The following SLC16A10 variants were observed in gnomAD, a reference collection of about 807,000 sequenced individuals.
SLC16A10 encodes monocarboxylate transporter 10.
In SLC16A10, 27 loss-of-function variants were observed where a neutral mutation model predicts 40.0. That is an observed-to-expected ratio of 0.67 (90% CI 0.50 to 0.93). The LOEUF is 0.93. Ranked by LOEUF, SLC16A10 falls within the 40% of genes least tolerant of loss-of-function variation. The pLI is 0.00. For synonymous variants in SLC16A10, 213 were observed against 249.8 expected, an observed-to-expected ratio of 0.85 and a Z score of 1.39; for missense variants, 529 against 658.2, an observed-to-expected ratio of 0.80 and a Z score of 2.15.
At chr6:111,129,904 A>T (rs1012336175) in intron 1 of SLC16A10, among the ~76,000 whole-genome samples, 1 of 152,048 alleles carries the variant, frequency 6.6e-6, no homozygotes, top group Non-Finnish European at 1.5e-5. Flanking sequence ...ATTTTTTTTT[A>T]ATTTTTTGCT....
chr6:111,100,547 C>A (rs1771156277), intron 1 of SLC16A10, among the ~76,000 whole-genome samples: 1 of 151,996 alleles, frequency 6.6e-6, no homozygotes, highest in Admixed American at 6.6e-5. Flanking sequence ...CACCTCCATC[C>A]CCAGCTAATT....
intron 1 of SLC16A10, among the ~76,000 whole-genome samples, chr6:111,089,268 G>T (rs1376498191): frequency 6.6e-6 from 1 of 152,138 alleles, no homozygotes; most frequent in Non-Finnish European, 1.5e-5. Flanking sequence ...TAAACTATTT[G>T]TATCATTCTG....
intron 1 of SLC16A10, among the ~76,000 whole-genome samples, chr6:111,089,046 C>T (rs1179731181): frequency 6.6e-6 from 1 of 151,984 alleles, no homozygotes; most frequent in Non-Finnish European, 1.5e-5. Flanking sequence ...TAAGTGATTT[C>T]CATTACTAAA....
chr6:111,153,321 GTT>G (rs1772207333), intron 1 of SLC16A10, among the ~76,000 whole-genome samples: 1 of 152,142 alleles, frequency 6.6e-6, no homozygotes. Context: ...GATTTCTTGA[GTT>G]CAGGAGTTTG....
intron 2 of SLC16A10, among the ~76,000 whole-genome samples, chr6:111,173,696 C>T (rs367921428): frequency 8.5e-5 from 13 of 152,254 alleles, no homozygotes; most frequent in African/African-American, 2.9e-4. Context: ...TTATGAGAAT[C>T]TAAATGCCTG....
At chr6:111,160,491 C>T (rs151285413) in intron 1 of SLC16A10, among the ~76,000 whole-genome samples, 1 of 152,372 alleles carries the variant, frequency 6.6e-6, no homozygotes, top group African/African-American at 2.4e-5. Context: ...ATCTGCCCAA[C>T]TCAGCCTCCC....
intron 4 of SLC16A10, 107 bp from the exon 5 acceptor site, chr6:111,218,707 G>T (rs531063254): frequency 1.8e-5 from 15 of 852,980 alleles, no homozygotes; most frequent in African/African-American, 1.5e-4. Context: ...GCAGTGGCAG[G>T]GGGGAAAGGG....
At chr6:111,115,009 C>T (rs1375645740) in intron 1 of SLC16A10, among the ~76,000 whole-genome samples, 2 of 151,820 alleles carry the variant, frequency 1.3e-5, no homozygotes, top group African/African-American at 4.8e-5. Context: ...TTGCAGAAGC[C>T]TGTATGTAGT....
intron 1 of SLC16A10, among the ~76,000 whole-genome samples, chr6:111,156,878 T>C (rs1161266925): frequency 6.6e-6 from 1 of 152,210 alleles, no homozygotes; most frequent in Non-Finnish European, 1.5e-5. Context: ...CTGTTCACAA[T>C]TGTTATGTAA....
intron 3 of SLC16A10, among the ~76,000 whole-genome samples, chr6:111,204,049 G>C (rs1000582077): frequency 5.3e-5 from 8 of 152,044 alleles, no homozygotes; most frequent in African/African-American, 1.9e-4. Context: ...AACCTAACCT[G>C]GTGTTCTCAG....
intron 1 of SLC16A10, among the ~76,000 whole-genome samples, chr6:111,151,002 T>G (rs1772163702): frequency 6.6e-6 from 1 of 152,194 alleles, no homozygotes; most frequent in African/African-American, 2.4e-5. Flanking sequence ...ATATATCTGT[T>G]AAAATTCTTT....
At chr6:111,218,028 AG>A (rs942242858) in intron 4 of SLC16A10, among the ~76,000 whole-genome samples, 1 of 152,186 alleles carries the variant, frequency 6.6e-6, no homozygotes, top group Non-Finnish European at 1.5e-5. Context: ...CTGAACTGAA[AG>A]TGTTCAATGG....
In SLC16A10 at chr6:111,218,956, T is replaced by G; in HGVS notation, c.1229T>G (p.Leu410Ter). 6.2e-7 allele frequency: 1 copy of G among 1,614,168 alleles called. No individual in the cohort carries two copies. The highest frequency in any genetic ancestry group is 8.5e-7 in the Non-Finnish European group (1 of 1,180,028). Residue 410 changes from leucine to a stop codon, truncating the protein, a stop_gained, in exon 5 of 6, where the codon TTA becomes TGA. Transcript: ENST00000368851. LOFTEE classifies it high-confidence loss of function. ...ISIMAPIAFE[L>*]VGAQDVSQAI... is the part of the protein sequence containing the mutation. The stretch of plus-strand genomic sequence containing the variant: ...ATTATGGCTCCCATAGCCTTTGAGT[T>G]AGTTGGTGCCCAGGATGTCTCCCAA...
chr6:111,136,841 C>G (rs969609601), intron 1 of SLC16A10, among the ~76,000 whole-genome samples: 1 of 152,188 alleles, frequency 6.6e-6, no homozygotes, highest in Non-Finnish European at 1.5e-5. Flanking sequence ...AGCCCTCACT[C>G]AGGCACTAGA....
chr6:111,182,614 C>T (rs952051100), intron 3 of SLC16A10, among the ~76,000 whole-genome samples: 1 of 152,062 alleles, frequency 6.6e-6, no homozygotes, highest in Non-Finnish European at 1.5e-5. Context: ...GAATCCTCCA[C>T]CAGAGCTGTA....
At chr6:111,177,920 A>G (rs538543607) in intron 3 of SLC16A10, among the ~76,000 whole-genome samples, 22 of 152,246 alleles carry the variant, frequency 1.4e-4, no homozygotes, top group South Asian at 4.1e-4. Context: ...GTGCCTGTCT[A>G]TGGTCCCAGC....
chr6:111,220,241 T>C (rs1379293791), intron 5 of SLC16A10, among the ~76,000 whole-genome samples: 2 of 152,222 alleles, frequency 1.3e-5, no homozygotes, highest in Admixed American at 6.5e-5. Context: ...TTTGGCATGA[T>C]GAAAATATTT....
intron 1 of SLC16A10, among the ~76,000 whole-genome samples, chr6:111,117,271 G>A (rs1269583855): frequency 6.6e-6 from 1 of 150,476 alleles, no homozygotes; most frequent in Non-Finnish European, 1.5e-5. Context: ...AGAATGGCGT[G>A]AACCCGGGAG....
At chr6:111,137,477 G>T (rs1402112521) in intron 1 of SLC16A10, among the ~76,000 whole-genome samples, 1 of 152,166 alleles carries the variant, frequency 6.6e-6, no homozygotes. Flanking sequence ...TAACCTCCTT[G>T]TTAAGTTTGT....
Sources: allele counts gnomAD v4.1 joint callset (sites outside exome capture counted in the v4.1 genomes callset), GRCh38; gene constraint gnomAD v4.1.1; transcripts MANE v1.5; gene names NCBI Gene and HGNC (gene_info 2026-07-23, HGNC 2026-07-21).